Variants in PC observed in about 807,000 individuals in gnomAD.
PC encodes pyruvate carboxylase, mitochondrial.
In PC, 46 loss-of-function variants were observed where a neutral mutation model predicts 107.8. The ratio of observed to expected loss-of-function variants is 0.43; its 90% confidence interval spans 0.34 to 0.55. The LOEUF (loss-of-function observed/expected upper bound fraction) is 0.55. PC is among the 20% of genes least tolerant of loss of function. The probability of loss-of-function intolerance (pLI) is 0.04; values close to 1 mark genes in which losing one functional copy is unlikely to be tolerated. For missense variants in PC, 1,241 were observed against 1,643.1 expected (o/e 0.76, Z 4.23); for synonymous variants, 662 against 684.7 (o/e 0.97, Z 0.52).
At chr11:66,943,844 C>T (rs1409171848) in intron 3 of PC, among the ~76,000 whole-genome samples, 2 of 143,828 alleles carry the variant, frequency 1.4e-5, no homozygotes, top group Non-Finnish European at 3.0e-5. Context: ...ATTAGCCGGG[C>T]GTCGTGGCAG....
At chr11:66,898,572 T>A (rs1244077906) in intron 3 of PC, among the ~76,000 whole-genome samples, 1 of 152,052 alleles carries the variant, frequency 6.6e-6, no homozygotes, top group Non-Finnish European at 1.5e-5. Context: ...CCCAGATACT[T>A]AGGAGGCTGA....
rs1945530213 is a variant in PC, at chr11:66,852,052, C to T, written c.1826-106G>A. 8.5e-7 allele frequency: 1 copy of T among 1,181,922 alleles called. No individual in the cohort carries two copies. The highest frequency in any genetic ancestry group is 1.5e-5 in the African/African-American group (1 of 65,884). The allele number at this position is 1,181,922 out of a possible 1,614,324, so 73.2% of individuals were successfully genotyped here. On this transcript the variant is annotated intron_variant, in intron 15 of 22. Transcript: ENST00000393960. The surrounding 1 kb of genome is among the most constrained non-coding windows in gnomAD (Gnocchi z 4.7). ...AAGCCTCTGGCCCCAATACCAGGTC[C>T]TGCTCATCTTCGCCATACCTGTGTT...
chr11:66,890,806 G>T (rs913845492), intron 3 of PC, among the ~76,000 whole-genome samples: 2 of 151,484 alleles, frequency 1.3e-5, no homozygotes, highest in South Asian at 4.2e-4. Context: ...CCCCCGCCGC[G>T]GTTGTTTCCA....
intron 3 of PC, among the ~76,000 whole-genome samples, chr11:66,918,202 T>G (rs1215612605): frequency 6.6e-6 from 1 of 152,060 alleles, no homozygotes; most frequent in Non-Finnish European, 1.5e-5. Context: ...ACACAAACTA[T>G]AATGTTTTGA....
rs1947959445 is a variant in PC, at chr11:66,901,619, TG to T, written c.1-29461del. On this transcript the variant is annotated intron_variant, in intron 3 of 22. Transcript: ENST00000393960. ...TGGAGTAGCTGGGATTACAGGCACC[TG>T]CCACCATGCCTGGCTAATTTTTTTG... Among the ~76,000 whole-genome samples the T allele has an allele frequency of 5.9e-5, 9 of 152,278 alleles. No individual in the cohort carries two copies. In the South Asian group the frequency reaches 1.9e-3, roughly 32 times the overall value.
At chr11:66,888,004 C>T (rs972598424) in intron 3 of PC, among the ~76,000 whole-genome samples, 3 of 152,252 alleles carry the variant, frequency 2.0e-5, no homozygotes, top group Non-Finnish European at 2.9e-5. Flanking sequence ...CTCCACATCG[C>T]CTTCTCCTCA....
intron 9 of PC, 100 bp from the exon 10 acceptor site, chr11:66,869,064 C>A: frequency 3.3e-6 from 3 of 909,828 alleles, no homozygotes; most frequent in African/African-American, 1.6e-5. Flanking sequence ...TGGGTTGGTT[C>A]CGTAAAAGAA....
rs1020435260 is a variant in PC, at chr11:66,852,064, G to A, written c.1826-118C>T. 29 of 1,049,768 alleles carry A rather than the reference G, an allele frequency of 2.8e-5. No individual in the cohort carries two copies. Among genetic ancestry groups the A allele is most frequent in the Non-Finnish European group, 3.6e-5 (25 of 700,786 alleles). 65.0% of individuals were successfully genotyped at this position (1,049,768 alleles called of 1,614,324 possible). A position where few individuals can be genotyped will look rare whatever the true frequency, so the allele number is the denominator to read the frequency against. ...CCAATACCAGGTCCTGCTCATCTTCGCCATACCTGTGTTCCCTGCTCCAAC... is the reference window on the plus strand; with the variant it reads ...CCAATACCAGGTCCTGCTCATCTTCACCATACCTGTGTTCCCTGCTCCAAC... On this transcript the variant is annotated intron_variant, in intron 15 of 22. Coordinates refer to ENST00000393960, the MANE Select transcript of PC (RefSeq NM_001040716.2). The surrounding 1 kb of genome is among the most constrained non-coding windows in gnomAD (Gnocchi z 4.7).
intron 12 of PC, chr11:66,859,961 C>T: frequency 6.2e-7 from 1 of 1,601,766 alleles, no homozygotes; most frequent in Non-Finnish European, 8.5e-7. Context: ...ACGTCCAGTC[C>T]CAGACCAATG....
intron 3 of PC, among the ~76,000 whole-genome samples, chr11:66,912,492 C>T (rs141164130): frequency 2.6e-5 from 4 of 152,302 alleles, no homozygotes; most frequent in African/African-American, 9.6e-5. Flanking sequence ...AGGTGAGCGG[C>T]GTGATTCCTG....
chr11:66,900,182 T>C (rs1947898051), intron 3 of PC, among the ~76,000 whole-genome samples: 2 of 145,564 alleles, frequency 1.4e-5, no homozygotes, highest in Admixed American at 6.9e-5. Flanking sequence ...AACGTTGTTT[T>C]TTTTTTTTTT....
intron 3 of PC, among the ~76,000 whole-genome samples, chr11:66,913,572 G>A (rs1948394406): frequency 6.6e-6 from 1 of 150,930 alleles, no homozygotes; most frequent in Non-Finnish European, 1.5e-5. Context: ...TGAGGCAGGA[G>A]AATCTCTTGA....
chr11:66,924,311 T>C (rs187517249), intron 3 of PC, among the ~76,000 whole-genome samples: 1 of 138,924 alleles, frequency 7.2e-6, no homozygotes, highest in Non-Finnish European at 1.5e-5. Context: ...ATAGCAGGAT[T>C]GCTTGAGGCC....
intron 3 of PC, among the ~76,000 whole-genome samples, chr11:66,930,082 C>T (rs1018512079): frequency 2.0e-5 from 3 of 152,042 alleles, no homozygotes; most frequent in Non-Finnish European, 4.4e-5. Flanking sequence ...ACTCCCTTAA[C>T]GTAACAGTGA....
In PC at chr11:66,858,004, T is replaced by C. The variant is rs920362796; in HGVS notation, c.1369-4621A>G. ...CTGTCTCGCAATGCCATCACCCGCA[T>C]TGGGGCCCGCGCCTTTGGGGACCTC... On this transcript the variant is annotated intron_variant, in intron 12 of 22. Transcript: ENST00000393960. The surrounding 1 kb of genome is among the most constrained non-coding windows in gnomAD (Gnocchi z 5.9). The C allele has an allele frequency of 6.2e-7, 1 of 1,612,274 alleles. No homozygotes were observed. Among genetic ancestry groups the C allele is most frequent in the Admixed American group, 1.7e-5 (1 of 60,008 alleles).
In PC at chr11:66,849,937, C is replaced by T; in HGVS notation, c.2898G>A (p.Lys966=). The stretch of plus-strand genomic sequence containing the variant: ...TCACACCATGCTGGGCCTTCCCTAC[C>T]TTAGAGCGAAAGGGTTCGGGGAACC... ...HGGFPEPFRS[K]VLKDLPRVEG... Residue 966 remains lysine, a splice_region_variant and synonymous_variant, in exon 20 of 23, where the codon AAG becomes AAA. Transcript: ENST00000393960. 6.2e-7 allele frequency: 1 copy of T among 1,613,620 alleles called. No homozygotes were observed. Among genetic ancestry groups the T allele is most frequent in the Non-Finnish European group, 8.5e-7 (1 of 1,180,024 alleles).
rs1946110636 is a variant in PC, at chr11:66,859,547, G to A, written c.1368+4227C>T. 1.3e-5 allele frequency: 21 copies of A among 1,569,710 alleles called. No homozygotes were observed. In the South Asian group the frequency reaches 2.1e-4, roughly 16 times the overall value. On this transcript the variant is annotated intron_variant, in intron 12 of 22. Transcript: ENST00000393960. Reference sequence around the variant, plus strand: ...AGAGCCCGAGTGGCCCCAGGGGGAGGGGTGTTTGGAGCTGGGAGCACGGGA... The same window carrying A: ...AGAGCCCGAGTGGCCCCAGGGGGAGAGGTGTTTGGAGCTGGGAGCACGGGA...
At chr11:66,878,958 G>A (rs544227949) in intron 3 of PC, among the ~76,000 whole-genome samples, 7 of 152,306 alleles carry the variant, frequency 4.6e-5, no homozygotes, top group Admixed American at 1.3e-4. Context: ...TCTGTAAAAC[G>A]GGGTTCCACC....
At chr11:66,932,507 C>T (rs923822138) in intron 3 of PC, among the ~76,000 whole-genome samples, 5 of 152,170 alleles carry the variant, frequency 3.3e-5, no homozygotes, top group African/African-American at 9.7e-5. Flanking sequence ...CTTGGGCTTA[C>T]GCTGCTGGGC....
Sources: allele counts gnomAD v4.1 joint callset (sites outside exome capture counted in the v4.1 genomes callset), GRCh38; gene constraint gnomAD v4.1.1; non-coding constraint Gnocchi (gnomAD v3.1); transcripts MANE v1.5; gene names NCBI Gene and HGNC (gene_info 2026-07-23, HGNC 2026-07-21).